The following ZNF616 variants were observed in gnomAD, a reference collection of about 807,000 sequenced individuals.
The protein encoded by ZNF616 is zinc finger protein 616.
Under a neutral mutation model 7.6 loss-of-function variants are expected in ZNF616, and 5 were observed. That is an observed-to-expected ratio of 0.66 (90% CI 0.34 to 1.38). The LOEUF is 1.38. ZNF616 is among the 40% of genes most tolerant of loss of function. The pLI, the probability that ZNF616 is intolerant of heterozygous loss-of-function variation, is 0.04. For synonymous variants in ZNF616, 319 were observed against 317.2 expected (o/e 1.01, Z -0.06); for missense variants, 913 against 948.3 (o/e 0.96, Z 0.49).
chr19:52,121,870 G>GA (rs1158804736), intron 3 of ZNF616, among the ~76,000 whole-genome samples: 1 of 151,846 alleles, frequency 6.6e-6, no homozygotes, highest in Non-Finnish European at 1.5e-5. Flanking sequence ...GAAAACTTAG[G>GA]AAAAACACTT....
chr19:52,121,614 C>T (rs973070563), intron 3 of ZNF616, among the ~76,000 whole-genome samples: 9 of 152,096 alleles, frequency 5.9e-5, no homozygotes, highest in Non-Finnish European at 1.0e-4. Context: ...AATACAGCCA[C>T]AGATCTCCAA....
intron 1 of ZNF616, among the ~76,000 whole-genome samples, chr19:52,136,859 T>TA (rs1347271053): frequency 2.6e-5 from 4 of 151,728 alleles, no homozygotes; most frequent in Non-Finnish European, 5.9e-5. Context: ...GACCAGGAGT[T>TA]AGAGACCAGC....
At chr19:52,129,915 T>C (rs1370446892) in intron 2 of ZNF616, among the ~76,000 whole-genome samples, 1 of 152,042 alleles carries the variant, frequency 6.6e-6, no homozygotes, top group African/African-American at 2.4e-5. Context: ...CCTGAGTAGC[T>C]GGGATTACAG....
rs1228587378 is a variant in ZNF616 at position 52,115,764 on chromosome 19, C to T, written c.1400G>A (p.Cys467Tyr). ...RIHTGEKAYK[C>Y]NECGKVFSIH... is the part of the protein sequence containing the mutation. ...GCTGAAAACTTTGCCACATTCATTG[C>T]ATTTATAAGCTTTCTCGCCGGTATG... Residue 467 changes from cysteine to tyrosine, a missense_variant, in exon 4 of 4, where the codon TGC (cysteine) becomes TAC (tyrosine). By Grantham distance (194) the Cys-to-Tyr change is radical. Coordinates refer to ENST00000600228, the MANE Select transcript of ZNF616 (RefSeq NM_178523.5). The T allele has an allele frequency of 6.2e-7, 1 of 1,614,106 alleles. No homozygotes were observed. The highest frequency in any genetic ancestry group is 1.1e-5 in the South Asian group (1 of 91,068).
chr19:52,121,207 A>G (rs111367041), intron 3 of ZNF616, among the ~76,000 whole-genome samples: 4,482 of 152,298 alleles, frequency 0.029, 103 homozygotes, highest in South Asian at 0.048. Flanking sequence ...GGCGCACGCC[A>G]CCACGCCCAG....
chr19:52,136,275 G>A (rs1031883865), intron 1 of ZNF616, among the ~76,000 whole-genome samples: 28 of 152,024 alleles, frequency 1.8e-4, no homozygotes, highest in African/African-American at 6.8e-4. Context: ...GTGGTCAGGA[G>A]TTCAAGACCA....
chr19:52,117,177 A>C (rs563594244), intron 3 of ZNF616, among the ~76,000 whole-genome samples, 153 bp from the exon 4 acceptor site: 1 of 152,300 alleles, frequency 6.6e-6, no homozygotes, highest in African/African-American at 2.4e-5. Flanking sequence ...AGAAATACAA[A>C]ATGAATAGAA....
chr19:52,116,023 A>T lies in ZNF616; in HGVS notation c.1141T>A (p.Tyr381Asn), dbSNP rs1311835934. ...ACCTTGCCACATTCATTGCATTTGT[A>T]TTGTTTCTCTCCACTGTGGATTCTC... Reference protein sequence around the residue: ...HRRIHSGEKQYKCNECGKVFS... With the variant: ...HRRIHSGEKQNKCNECGKVFS... The change falls in exon 4 of 4, where the codon TAC (tyrosine) becomes AAC (asparagine). Residue 381 changes from tyrosine (Y) to asparagine (N), a missense_variant. Physicochemically the swap from Tyr to Asn is moderately radical, Grantham distance 143 (BLOSUM62 -2). Transcript: ENST00000600228. 7 of 1,614,188 alleles carry T rather than the reference A, an allele frequency of 4.3e-6. No homozygotes were observed. The highest frequency in any genetic ancestry group is 5.9e-6 in the Non-Finnish European group (7 of 1,180,034).
intron 1 of ZNF616, 106 bp from the exon 2 acceptor site, chr19:52,130,694 C>G (rs561836059): frequency 1.4e-6 from 1 of 739,200 alleles, no homozygotes; most frequent in Non-Finnish European, 2.2e-6. Context: ...AGACAGCCCA[C>G]TGCACCAGGG....
rs2089036708 is a variant in ZNF616, at chr19:52,139,062, C to G, written c.-77+670G>C. Among the ~76,000 whole-genome samples, 1 of 152,184 alleles carries G rather than the reference C, an allele frequency of 6.6e-6. No homozygotes were observed. The highest frequency in any genetic ancestry group is 2.1e-4 in the South Asian group (1 of 4,834). ...CCATGCGTCCTCTTGCACTCTTGCT[C>G]TCTTTGCCAGTACCTAAATTATCAT... On this transcript the variant is annotated intron_variant, in intron 1 of 3. Coordinates refer to ENST00000600228, the MANE Select transcript of ZNF616 (RefSeq NM_178523.5). The surrounding 1 kb of genome is among the most constrained non-coding windows in gnomAD (Gnocchi z 4.1).
At chr19:52,132,032 T>G (rs2088964848) in intron 1 of ZNF616, among the ~76,000 whole-genome samples, 1 of 152,106 alleles carries the variant, frequency 6.6e-6, no homozygotes, top group Non-Finnish European at 1.5e-5. Flanking sequence ...GCAGATCAGG[T>G]AGGGACGAGG....
At position 52,116,704 on chromosome 19, in the gene ZNF616, C is replaced by T. The variant is rs1344073946; in HGVS notation, c.460G>A (p.Val154Ile). The stretch of plus-strand genomic sequence containing the variant: ...TCATAAAGTCTCCCTTCAGTTTGAA[C>T]TTTCTGCAGTTCAGCCAGACGTGAC... ...FESRLAELQK[V>I]QTEGRLYECN... Residue 154 changes from valine (V) to isoleucine (I), a missense_variant, in exon 4 of 4, where the codon GTT (valine) becomes ATT (isoleucine). Transcript: ENST00000600228. 2 of 1,614,120 alleles carry T rather than the reference C, an allele frequency of 1.2e-6. No individual in the cohort carries two copies. Among genetic ancestry groups the T allele is most frequent in the East Asian group, 2.2e-5 (1 of 44,880 alleles).
At position 52,115,357 on chromosome 19, in the gene ZNF616, T is replaced by C. The variant is rs1459423883; in HGVS notation, c.1807A>G (p.Lys603Glu). 23 of 1,614,042 alleles carry C rather than the reference T, an allele frequency of 1.4e-5. No individual in the cohort carries two copies. Among genetic ancestry groups the C allele is most frequent in the Non-Finnish European group, 1.9e-5 (23 of 1,180,032 alleles). The change falls in exon 4 of 4, where the codon AAA becomes GAA. Residue 603 changes from lysine to glutamate, a missense_variant. Physicochemically the swap from Lys to Glu is moderately conservative, Grantham distance 56. Coordinates refer to ENST00000600228, the MANE Select transcript of ZNF616 (RefSeq NM_178523.5). Reference sequence around the variant, plus strand: ...CCACATTCATGACATTTGTATGGTTTCTCTCCAGTATGAACTCTTCGATGC... The same window carrying C: ...CCACATTCATGACATTTGTATGGTTCCTCTCCAGTATGAACTCTTCGATGC... ...VGHRRVHTGE[K>E]PYKCHECGKA...
chr19:52,135,295 A>G (rs1363572345), intron 1 of ZNF616, among the ~76,000 whole-genome samples: 2 of 152,018 alleles, frequency 1.3e-5, no homozygotes, highest in Admixed American at 1.3e-4. Context: ...ATACCTGAGG[A>G]CTCAATGACC....
At chr19:52,119,829 T>C (rs972030901) in intron 3 of ZNF616, among the ~76,000 whole-genome samples, 9 of 152,210 alleles carry the variant, frequency 5.9e-5, no homozygotes, top group Non-Finnish European at 1.3e-4. Context: ...ATATATGCTA[T>C]GAATTTTATC....
At chr19:52,136,185 A>AT (rs1168741272) in intron 1 of ZNF616, among the ~76,000 whole-genome samples, 2 of 150,876 alleles carry the variant, frequency 1.3e-5, no homozygotes, top group Non-Finnish European at 3.0e-5. Context: ...CATTTTGCAA[A>AT]TAAGACATAC....
chr19:52,130,450 C>A, intron 2 of ZNF616, 51 bp downstream of exon 2: 1 of 1,517,234 alleles, frequency 6.6e-7, no homozygotes, highest in Non-Finnish European at 9.2e-7. Flanking sequence ...AGGAAGGAGA[C>A]AGAATGACCC....
At chr19:52,127,011 A>G (rs1206592034) in intron 2 of ZNF616, among the ~76,000 whole-genome samples, 1 of 152,134 alleles carries the variant, frequency 6.6e-6, no homozygotes, top group Non-Finnish European at 1.5e-5. Context: ...AAAGGCCTGC[A>G]ACTGAAAAAA....
At position 52,116,652 on chromosome 19, in the gene ZNF616, T is replaced by C; in HGVS notation, c.512A>G (p.Asn171Ser). The change falls in exon 4 of 4, where the codon AAT becomes AGT. Residue 171 changes from asparagine (N) to serine (S), a missense_variant. Physicochemically the swap from Asn to Ser is conservative, Grantham distance 46. Coordinates refer to ENST00000600228, the MANE Select transcript of ZNF616 (RefSeq NM_178523.5). ...YECNETEKTG[N>S]NGCLVSPHIR... is the part of the protein sequence containing the mutation. ...GTGTGGAGAAACTAAACAACCATTA[T>C]TACCTGTCTTCTCCGTTTCATTACA... 6.2e-7 allele frequency: 1 copy of C among 1,614,156 alleles called. No individual in the cohort carries two copies. Among genetic ancestry groups the C allele is most frequent in the Middle Eastern group, 1.6e-4 (1 of 6,062 alleles).
Sources: gnomAD v4.1 joint callset for allele counts (sites outside exome capture counted in the v4.1 genomes callset) on GRCh38, gnomAD v4.1.1 for gene constraint, Gnocchi (gnomAD v3.1) non-coding constraint, MANE v1.5 for transcripts, NCBI Gene and HGNC (gene_info 2026-07-23, HGNC 2026-07-21) for gene names.